The following CDH12 variants were observed in gnomAD, a reference collection of about 807,000 sequenced individuals.
CDH12 encodes cadherin-12.
Under a neutral mutation model 74.1 loss-of-function variants are expected in CDH12, and 41 were observed. The ratio of observed to expected loss-of-function variants is 0.55; its 90% CI spans 0.43 to 0.72. The LOEUF is 0.72. Ranked by LOEUF, CDH12 falls within the 30% of genes least tolerant of loss-of-function variation. CDH12 has a pLI of 0.00. For missense variants in CDH12, 945 were observed against 977.2 expected (o/e 0.97, Z 0.44); for synonymous variants, 399 against 355.0 (o/e 1.12, Z -1.39).
intron 3 of CDH12, among the ~76,000 whole-genome samples, chr5:22,291,111 C>A (rs1396277158): frequency 6.6e-6 from 1 of 151,956 alleles, no homozygotes; most frequent in African/African-American, 2.4e-5. Context: ...GAACTAAGAA[C>A]AAAAGCCATA....
In CDH12 at chr5:21,802,142, G is replaced by GA. The variant is rs759104387; in HGVS notation, c.1256+24dup. The GA allele has an allele frequency of 2.8e-5, 45 of 1,586,560 alleles. 1 individual carries two copies. The highest frequency in any genetic ancestry group is 5.2e-5 in the Admixed American group (3 of 57,198). ...TTTTGTTTTGTTTTCCTGAAACATA[G>GA]AAAAAAAATGTTTCTTTTTCTCACC... On this transcript the variant is annotated intron_variant, in intron 10 of 14. Transcript: ENST00000382254.
chr5:22,352,455 G>A (rs1188310509), intron 3 of CDH12, among the ~76,000 whole-genome samples: 10 of 150,768 alleles, frequency 6.6e-5, no homozygotes, highest in South Asian at 2.2e-4. Context: ...GTCTTCTGAC[G>A]GCAAAATAAT....
At chr5:21,788,054 A>G (rs1746291325) in intron 10 of CDH12, among the ~76,000 whole-genome samples, 1 of 152,164 alleles carries the variant, frequency 6.6e-6, no homozygotes, top group South Asian at 2.1e-4. Flanking sequence ...CTGAGTGTCC[A>G]CTATACACTA....
intron 1 of CDH12, among the ~76,000 whole-genome samples, chr5:22,762,899 A>C (rs112871349): frequency 7.0e-4 from 107 of 152,134 alleles, no homozygotes; most frequent in African/African-American, 2.4e-3. Flanking sequence ...CTGCGATGTC[A>C]TGAACTTTAC....
intron 4 of CDH12, among the ~76,000 whole-genome samples, chr5:22,146,737 T>C (rs1747210388): frequency 6.6e-6 from 1 of 152,162 alleles, no homozygotes; most frequent in Non-Finnish European, 1.5e-5. Flanking sequence ...TATTGCTTAA[T>C]ATAGATGAAG....
chr5:22,349,995 C>G (rs1740292146), intron 3 of CDH12, among the ~76,000 whole-genome samples: 1 of 152,158 alleles, frequency 6.6e-6, no homozygotes, highest in Non-Finnish European at 1.5e-5. Flanking sequence ...CAACAGTGGG[C>G]TTATTACTTT....
chr5:22,822,454 A>C (rs1749755877), intron 1 of CDH12, among the ~76,000 whole-genome samples: 1 of 152,136 alleles, frequency 6.6e-6, no homozygotes, highest in African/African-American at 2.4e-5. Flanking sequence ...CAACCTACAG[A>C]ATGGGAGAAA....
chr5:21,784,087 A>G (rs1282340698), intron 10 of CDH12, among the ~76,000 whole-genome samples: 1 of 152,184 alleles, frequency 6.6e-6, no homozygotes, highest in East Asian at 1.9e-4. Flanking sequence ...TCAGGTCAAC[A>G]TTAGAAAAAC....
intron 1 of CDH12, among the ~76,000 whole-genome samples, chr5:22,726,654 T>C (rs559946953): frequency 3.3e-5 from 5 of 151,984 alleles, no homozygotes; most frequent in South Asian, 2.1e-4. Flanking sequence ...TTGGCCATTG[T>C]TATAAGTGTG....
intron 5 of CDH12, among the ~76,000 whole-genome samples, chr5:22,060,608 T>A (rs4416571): frequency 0.026 from 3,979 of 152,282 alleles, 175 homozygotes; most frequent in African/African-American, 0.091. Context: ...CACAGCACTA[T>A]GTGGTGATGC....
In CDH12 at chr5:22,026,627, G is replaced by T. The variant is rs74335886; in HGVS notation, c.232-51242C>A. On this transcript the variant is annotated intron_variant, in intron 5 of 14. Transcript: ENST00000382254. ...TTATGCTTCTAATGAGTTAGATTAG[G>T]GTTCAGATCAGGGGTAGGGGTAGGG... 6.1e-3 allele frequency among the ~76,000 whole-genome samples: 923 copies of T among 152,154 alleles called. 2 individuals are homozygous for T. The highest frequency in any genetic ancestry group is 0.021 in the African/African-American group (888 of 41,522).
intron 7 of CDH12, among the ~76,000 whole-genome samples, chr5:21,850,160 T>G (rs1750386196): frequency 6.6e-6 from 1 of 150,936 alleles, no homozygotes; most frequent in Non-Finnish European, 1.5e-5. Context: ...GGAGAGAAAA[T>G]GGGGAGATGT....
At chr5:21,798,482 C>A (rs1746922714) in intron 10 of CDH12, among the ~76,000 whole-genome samples, 1 of 152,004 alleles carries the variant, frequency 6.6e-6, no homozygotes, top group Non-Finnish European at 1.5e-5. Context: ...GAGTTCTCTC[C>A]TGATTACTGA....
At chr5:22,321,979 ATATCTATTTCATAAATAGCAAATTCGT>A (rs1408856091) in intron 3 of CDH12, among the ~76,000 whole-genome samples, 9 of 152,178 alleles carry the variant, frequency 5.9e-5, no homozygotes, top group African/African-American at 1.7e-4. Context: ...AGCAAATTCG[ATATCTATTTCATAAATAGCAAATTCGT>A]TATCTATTTC....
intron 1 of CDH12, among the ~76,000 whole-genome samples, chr5:22,568,734 T>C (rs1208769964): frequency 6.6e-6 from 1 of 152,096 alleles, no homozygotes; most frequent in Non-Finnish European, 1.5e-5. Flanking sequence ...AAAGCAAATA[T>C]CATAACAAAG....
chr5:22,779,156 T>C (rs971641596), intron 1 of CDH12, among the ~76,000 whole-genome samples: 5 of 152,194 alleles, frequency 3.3e-5, no homozygotes, highest in Middle Eastern at 6.8e-3. Context: ...TTCTCTACCT[T>C]GGGATCTAAA....
chr5:22,006,074 T>A (rs1736939052), intron 5 of CDH12, among the ~76,000 whole-genome samples: 1 of 152,312 alleles, frequency 6.6e-6, no homozygotes, highest in Non-Finnish European at 1.5e-5. Flanking sequence ...CTGACCTGAT[T>A]TTCTGTCTCC....
At chr5:21,861,397 A>C (rs527631584) in intron 6 of CDH12, among the ~76,000 whole-genome samples, 1 of 152,198 alleles carries the variant, frequency 6.6e-6, no homozygotes, top group Non-Finnish European at 1.5e-5. Context: ...TTAAAATTAC[A>C]TGAAAGCTTA....
At chr5:22,314,820 G>A (rs937685163) in intron 3 of CDH12, among the ~76,000 whole-genome samples, 3 of 151,050 alleles carry the variant, frequency 2.0e-5, no homozygotes, top group African/African-American at 7.3e-5. Flanking sequence ...AGGAATTCAA[G>A]GTCATTAGGG....
Sources: gnomAD v4.1 joint callset for allele counts (sites outside exome capture counted in the v4.1 genomes callset) on GRCh38, gnomAD v4.1.1 for gene constraint, MANE v1.5 for transcripts, NCBI Gene and HGNC (gene_info 2026-07-23, HGNC 2026-07-21) for gene names.